The following UGT1A10 variants were observed in gnomAD, a reference collection of about 807,000 sequenced individuals.
UGT1A10 encodes the protein UDP-glucuronosyltransferase 1A10.
Under a neutral mutation model 45.8 loss-of-function variants are expected in UGT1A10, and 49 were observed. The ratio of observed to expected loss-of-function variants is 1.07; its 90% confidence interval spans 0.85 to 1.36. UGT1A10 has a LOEUF of 1.36. Among genes scored for constraint, UGT1A10 ranks in the 40% most tolerant of loss-of-function variants. UGT1A10 has a pLI of 0.00. For missense variants in UGT1A10, 745 were observed against 668.6 expected, an observed-to-expected ratio of 1.11 and a Z score of -1.26; for synonymous variants, 284 against 249.7, an observed-to-expected ratio of 1.14 and a Z score of -1.29.
chr2:233,710,208 A>C (rs2076119375), intron 1 of UGT1A10, among the ~76,000 whole-genome samples: 1 of 152,230 alleles, frequency 6.6e-6, no homozygotes, highest in South Asian at 2.1e-4. Context: ...GTTGTTGGCT[A>C]TTATGAATAA....
chr2:233,681,868 G>A lies in UGT1A10; in HGVS notation c.855+44491G>A, dbSNP rs1575427580. On this transcript the variant is annotated intron_variant, in intron 1 of 4. Coordinates refer to ENST00000344644, the MANE Select transcript of UGT1A10 (RefSeq NM_019075.4). The stretch of plus-strand genomic sequence containing the variant: ...CTTCTTTTGAGGGCAGGTTCTATCT[G>A]TACTTCTTCCACTTACTATATTATA... 1.2e-5 allele frequency: 19 copies of A among 1,538,684 alleles called. No homozygotes were observed. In the East Asian group the frequency reaches 4.3e-4, roughly 35 times the overall value.
At chr2:233,760,573 G>C (rs1208621089) in intron 1 of UGT1A10, 1 of 1,614,170 alleles carries the variant, frequency 6.2e-7, no homozygotes, top group Non-Finnish European at 8.5e-7. Flanking sequence ...TGTTAGTCTC[G>C]GGCATAATGT....
chr2:233,642,272 G>A (rs1218449710), intron 1 of UGT1A10, among the ~76,000 whole-genome samples: 1 of 152,006 alleles, frequency 6.6e-6, no homozygotes, highest in Admixed American at 6.6e-5. Flanking sequence ...ATTATTTCTT[G>A]TGTTTGGTCC....
chr2:233,751,741 C>G (rs1161851392), intron 1 of UGT1A10, among the ~76,000 whole-genome samples: 2 of 152,164 alleles, frequency 1.3e-5, no homozygotes, highest in East Asian at 1.9e-4. Context: ...CTCTGTTTCT[C>G]TCTTGCTTGC....
At chr2:233,760,002 C>T (rs1697301368) in intron 1 of UGT1A10, among the ~76,000 whole-genome samples, 1 of 152,194 alleles carries the variant, frequency 6.6e-6, no homozygotes, top group Admixed American at 6.5e-5. Flanking sequence ...TGTGGAAATA[C>T]TAATTTAATG....
rs1215128625 is a variant in UGT1A10, at chr2:233,769,761, G to A, written c.1295+1322G>A. ...TCCCAGCCACTCTGGAGGCTAAGGC[G>A]GGAGGATTGCTTGAGCCCAGAAGTT... is the stretch of plus-strand genomic sequence containing the variant. On this transcript the variant is annotated intron_variant, in intron 4 of 4. Transcript: ENST00000344644. This position sits in a 1 kb window ranked among gnomAD's most constrained non-coding sequence, Gnocchi z 4.4. The A allele has an allele frequency of 1.3e-5, 18 of 1,414,110 alleles. No homozygotes were observed. In the South Asian group the frequency reaches 1.6e-4, roughly 12 times the overall value. The allele number at this position is 1,414,110 out of a possible 1,614,324, so 87.6% of individuals were successfully genotyped here. A position where few individuals can be genotyped will look rare whatever the true frequency, so the allele number is the denominator to read the frequency against.
In UGT1A10 at chr2:233,729,555, T is replaced by C. The variant is rs549256144; in HGVS notation, c.856-37479T>C. 30 of 1,614,208 alleles carry C rather than the reference T, an allele frequency of 1.9e-5. No homozygotes were observed. In the South Asian group the frequency reaches 3.0e-4, roughly 16 times the overall value. On this transcript the variant is annotated intron_variant, in intron 1 of 4. Coordinates refer to ENST00000344644, the MANE Select transcript of UGT1A10 (RefSeq NM_019075.4). The stretch of plus-strand genomic sequence containing the variant: ...AGGCCCTGATCAGGCACCTGAATGC[T>C]ACTTCCTTTGATGTGGTTTTAACAG...
chr2:233,719,370 G>T, intron 1 of UGT1A10: 1 of 1,613,830 alleles, frequency 6.2e-7, no homozygotes. Context: ...AGACTTTAAG[G>T]GCACACAGTG....
Position 233,637,466 on chromosome 2 carries a change from C to T in UGT1A10, c.855+89C>T, listed in dbSNP as rs543184503. ...TTACTGAACTGTGATTTGACATTTT[C>T]GTTTGTTGCATTTCAAATTTCTTTC... On this transcript the variant is annotated intron_variant, in intron 1 of 4. Coordinates refer to ENST00000344644, the MANE Select transcript of UGT1A10 (RefSeq NM_019075.4). 10 of 1,500,460 alleles carry T rather than the reference C, an allele frequency of 6.7e-6. 1 individual carries two copies. The Admixed American group carries it at 6.9e-5, about 10-fold the overall frequency. The allele number at this position is 1,500,460 out of a possible 1,614,324, so 92.9% of individuals were successfully genotyped here.
intron 1 of UGT1A10, chr2:233,672,843 A>C: frequency 6.4e-7 from 1 of 1,554,194 alleles, no homozygotes; most frequent in Non-Finnish European, 8.7e-7. Flanking sequence ...GGAAATTAAA[A>C]AAGGATTCTT....
chr2:233,693,488 T>C (rs746631423), intron 1 of UGT1A10: 2 of 1,613,982 alleles, frequency 1.2e-6, no homozygotes, highest in African/African-American at 2.7e-5. Flanking sequence ...CCTGGCTGAG[T>C]ATTTGGGCCT....
intron 1 of UGT1A10, among the ~76,000 whole-genome samples, chr2:233,741,313 C>T (rs1377772642): frequency 1.3e-5 from 2 of 151,788 alleles, no homozygotes; most frequent in African/African-American, 4.9e-5. Flanking sequence ...TACACACCAA[C>T]TCATTCTACT....
intron 1 of UGT1A10, among the ~76,000 whole-genome samples, chr2:233,702,723 C>T (rs2075703214): frequency 6.6e-6 from 1 of 152,078 alleles, no homozygotes; most frequent in Admixed American, 6.5e-5. Flanking sequence ...TTGAAATGAA[C>T]ATGGTTTTCT....
chr2:233,636,651 G>A lies in UGT1A10; in HGVS notation c.129G>A (p.Ser43=), dbSNP rs775062453. The change falls in exon 1 of 5, where the codon TCG becomes TCA. Residue 43 remains serine, a synonymous_variant. Coordinates refer to ENST00000344644, the MANE Select transcript of UGT1A10 (RefSeq NM_019075.4). ...GGAGTCACTGGTTCACCATGCAGTCGGTGGTGGAGAAACTTATCCTCAGGG... is the reference window on the plus strand; with the variant it reads ...GGAGTCACTGGTTCACCATGCAGTCAGTGGTGGAGAAACTTATCCTCAGGG... ...MDGSHWFTMQ[S]VVEKLILRGH... is the part of the protein sequence containing the mutation. The A allele has an allele frequency of 1.5e-5, 24 of 1,613,990 alleles. No individual in the cohort carries two copies. The highest frequency in any genetic ancestry group is 1.6e-4 in the Middle Eastern group (1 of 6,082).
At chr2:233,693,092 C>G (rs1334176855) in intron 1 of UGT1A10, 3 of 1,614,128 alleles carry the variant, frequency 1.9e-6, no homozygotes, top group South Asian at 1.1e-5. Flanking sequence ...TGACAAGCTG[C>G]TGGTGGTCCC....
intron 1 of UGT1A10, among the ~76,000 whole-genome samples, chr2:233,673,943 T>C (rs1278771700): frequency 2.6e-5 from 4 of 152,216 alleles, no homozygotes; most frequent in African/African-American, 7.2e-5. Flanking sequence ...TTGAGTAATA[T>C]TGTGAGAGTA....
At chr2:233,651,445 A>G (rs2073739597) in intron 1 of UGT1A10, among the ~76,000 whole-genome samples, 1 of 152,112 alleles carries the variant, frequency 6.6e-6, no homozygotes, top group African/African-American at 2.4e-5. Context: ...GTTTTTTTGT[A>G]TGTATTAAAG....
At chr2:233,671,573 C>A (rs1419632221) in intron 1 of UGT1A10, among the ~76,000 whole-genome samples, 4 of 151,660 alleles carry the variant, frequency 2.6e-5, no homozygotes, top group Admixed American at 6.6e-5. Flanking sequence ...GGACAAATTC[C>A]AAAAAAAATT....
chr2:233,758,754 A>T (rs888171679), intron 1 of UGT1A10, among the ~76,000 whole-genome samples: 16 of 152,250 alleles, frequency 1.1e-4, no homozygotes, highest in Middle Eastern at 6.8e-3. Flanking sequence ...CTGGCCAGTG[A>T]TGTGTATGGT....
Sources: gnomAD v4.1 joint callset for allele counts (sites outside exome capture counted in the v4.1 genomes callset) on GRCh38, gnomAD v4.1.1 for gene constraint, Gnocchi (gnomAD v3.1) non-coding constraint, MANE v1.5 for transcripts, NCBI Gene and HGNC (gene_info 2026-07-23, HGNC 2026-07-21) for gene names.